Variants in RCBTB1 observed in about 807,000 individuals in gnomAD.
The protein encoded by RCBTB1 is RCC1 and BTB domain containing protein 1.
RCBTB1 carries 46 observed loss-of-function variants against 62.4 expected under a neutral mutation model. The ratio of observed to expected loss-of-function variants is 0.74; its 90% CI spans 0.58 to 0.94. RCBTB1 has a LOEUF of 0.94. Among genes scored for constraint, RCBTB1 ranks in the 40% least tolerant of loss-of-function variants. The probability of loss-of-function intolerance (pLI) is 0.00; values close to 1 mark genes in which losing one functional copy is unlikely to be tolerated. For missense variants in RCBTB1, 565 were observed against 654.9 expected, an observed-to-expected ratio of 0.86 and a Z score of 1.50; for synonymous variants, 222 against 245.8, an observed-to-expected ratio of 0.90 and a Z score of 0.91.
chr13:49,538,165 C>T (rs1960073087), intron 12 of RCBTB1: 1 of 152,130 alleles, frequency 6.6e-6, no homozygotes, highest in Non-Finnish European at 1.5e-5. Flanking sequence ...AGTAAGAGGG[C>T]TTTCTTTTTA....
intron 2 of RCBTB1, among the ~76,000 whole-genome samples, chr13:49,574,855 T>C (rs1449533942): frequency 6.6e-6 from 1 of 152,112 alleles, no homozygotes; most frequent in Admixed American, 6.6e-5. Flanking sequence ...CATGAACAGA[T>C]GAATGGATAA....
intron 12 of RCBTB1, among the ~76,000 whole-genome samples, chr13:49,534,851 T>C (rs868645954): frequency 3.3e-5 from 5 of 151,940 alleles, no homozygotes; most frequent in Non-Finnish European, 5.9e-5. Flanking sequence ...CTGGCCAACA[T>C]AGGGAAACCC....
At chr13:49,546,874 C>A (rs772662592) in intron 9 of RCBTB1, 5 of 846,538 alleles carry the variant, frequency 5.9e-6, no homozygotes, top group Non-Finnish European at 7.1e-6. Context: ...AGGCCACGGA[C>A]CAGTACAGGC....
At chr13:49,573,787 CTTTT>C (rs563725059) in intron 2 of RCBTB1, among the ~76,000 whole-genome samples, 1 of 125,668 alleles carries the variant, frequency 8.0e-6, no homozygotes, top group African/African-American at 2.9e-5. Context: ...AAATTTCTCT[CTTTT>C]TTTTTTTTTT....
chr13:49,583,115 G>A (rs952244964), intron 1 of RCBTB1, among the ~76,000 whole-genome samples: 2 of 152,108 alleles, frequency 1.3e-5, no homozygotes, highest in African/African-American at 2.4e-5. Context: ...AGGCTGCAGT[G>A]AGCTATGATC....
chr13:49,543,881 C>T (rs1017539282), intron 10 of RCBTB1, among the ~76,000 whole-genome samples: 3 of 152,082 alleles, frequency 2.0e-5, no homozygotes, highest in African/African-American at 7.2e-5. Context: ...GAGACAGTGT[C>T]TCGCTATATT....
At chr13:49,585,194 C>A (rs532076176) in intron 1 of RCBTB1, among the ~76,000 whole-genome samples, 2 of 152,324 alleles carry the variant, frequency 1.3e-5, no homozygotes, top group South Asian at 2.1e-4. Context: ...AACTTTCCCT[C>A]GCCTCTCCCC....
intron 8 of RCBTB1, chr13:49,549,984 C>T (rs1215864013): frequency 1.2e-6 from 1 of 846,628 alleles, no homozygotes; most frequent in African/African-American, 1.9e-5. Context: ...GGCTTAAATA[C>T]CATTTCTTTT....
rs74813761 is a variant in RCBTB1 at position 49,563,930 on chromosome 13, G to A, written c.277+2688C>T. Among the ~76,000 whole-genome samples, 96 of 152,250 alleles carry A rather than the reference G, an allele frequency of 6.3e-4. 2 individuals carry two copies. The East Asian group carries it at 0.014, about 23-fold the overall frequency. On this transcript the variant is annotated intron_variant, in intron 4 of 12. Transcript: ENST00000378302. ...TCCTCAGTCTAGACAAAGAAAGGCC[G>A]GGATGCAAATCATCTCCCAAATGCC...
chr13:49,542,999 GTAA>G (rs1960504899), intron 10 of RCBTB1, among the ~76,000 whole-genome samples: 1 of 152,224 alleles, frequency 6.6e-6, no homozygotes, highest in African/African-American at 2.4e-5. Flanking sequence ...GCTCAAGCCT[GTAA>G]TTCCAGCACT....
chr13:49,551,321 G>A lies in RCBTB1; in HGVS notation c.854+5C>T, dbSNP rs1234017296. 1.2e-6 allele frequency: 2 copies of A among 1,613,754 alleles called. No homozygotes were observed. On this transcript the variant is annotated splice_donor_5th_base_variant and intron_variant, in intron 8 of 12. Coordinates refer to ENST00000378302, the MANE Select transcript of RCBTB1 (RefSeq NM_018191.4). ...CAGTCCCAAGACGTGGCACAGCCAA[G>A]TTACCTTTCTTTCTCCACCATGATG...
intron 9 of RCBTB1, chr13:49,546,512 T>C (rs553981125): frequency 1.8e-5 from 3 of 166,116 alleles, no homozygotes; most frequent in African/African-American, 7.2e-5. Flanking sequence ...GCACTTAATT[T>C]TTATTATTGT....
At chr13:49,576,263 C>T (rs768049934) in intron 2 of RCBTB1, among the ~76,000 whole-genome samples, 4 of 134,896 alleles carry the variant, frequency 3.0e-5, no homozygotes, top group Non-Finnish European at 6.1e-5. Context: ...GATTGTACAA[C>T]AATGTGAATG....
chr13:49,541,756 T>C lies in RCBTB1; in HGVS notation c.1244A>G (p.Gln415Arg), dbSNP rs1960382903. ...EDMKEVIEID[Q>R]FSYPVYRAFL... ...GGCACGATACACTGGGTAAGAAAAC[T>C]GATCGATTTCTATCACTTCCTTCAT... The change falls in exon 11 of 13, where the codon CAG becomes CGG. Residue 415 changes from glutamine to arginine, a missense_variant. Gln to Arg is a conservative substitution (Grantham distance 43, BLOSUM62 1). Coordinates refer to ENST00000378302, the MANE Select transcript of RCBTB1 (RefSeq NM_018191.4). The C allele has an allele frequency of 1.2e-6, 2 of 1,614,084 alleles. No individual in the cohort carries two copies. The highest frequency in any genetic ancestry group is 2.7e-5 in the African/African-American group (2 of 75,032).
Position 49,559,974 on chromosome 13 carries a change from CTT to C in RCBTB1, c.386_387del (p.Gln129ArgfsTer17). 6.2e-7 allele frequency: 1 copy of C among 1,614,200 alleles called. No homozygotes were observed. Among genetic ancestry groups the C allele is most frequent in the East Asian group, 2.2e-5 (1 of 44,884 alleles). On this transcript the variant is annotated frameshift_variant, in exon 5 of 13. Coordinates refer to ENST00000378302, the MANE Select transcript of RCBTB1 (RefSeq NM_018191.4). LOFTEE classifies it high-confidence loss of function. ...VQVCTNLLIK[Q>X]VVEVACGSHH... ...TGTGAGCCACAAGCTACTTCCACCACTTGCTTGATCAAGAGATTGGTACAGAC... is the reference window on the plus strand; with the variant it reads ...TGTGAGCCACAAGCTACTTCCACCACGCTTGATCAAGAGATTGGTACAGAC...
chr13:49,542,294 A>G (rs1280329416), intron 10 of RCBTB1, among the ~76,000 whole-genome samples: 1 of 152,126 alleles, frequency 6.6e-6, no homozygotes, highest in East Asian at 1.9e-4. Context: ...TTAGCACCCA[A>G]AAAACATTCC....
intron 5 of RCBTB1, 129 bp downstream of exon 5, chr13:49,559,789 T>G: frequency 1.3e-6 from 1 of 763,574 alleles, no homozygotes; most frequent in South Asian, 2.1e-5. Context: ...GACAGTTGTA[T>G]GACAAGGTGA....
In RCBTB1 at chr13:49,538,847, G is replaced by A. The variant is rs190918604; in HGVS notation, c.1455+2029C>T. 7.4e-5 allele frequency among the ~76,000 whole-genome samples: 11 copies of A among 149,552 alleles called. No homozygotes were observed. The East Asian group carries it at 9.8e-4, about 13-fold the overall frequency. On this transcript the variant is annotated intron_variant, in intron 12 of 12. Transcript: ENST00000378302. ...TCTTTCTATTCTCTAATTTTTCTACGTTGAATCTGTAATATTTGTAGGATT... is the reference window on the plus strand; with the variant it reads ...TCTTTCTATTCTCTAATTTTTCTACATTGAATCTGTAATATTTGTAGGATT...
In RCBTB1 at chr13:49,566,269, AT is replaced by A. The variant is rs1763947428; in HGVS notation, c.277+348del. On this transcript the variant is annotated intron_variant, in intron 4 of 12. Transcript: ENST00000378302. ...CAAGAATGATCAATAAAAAAATAAA[AT>A]AAAATAAATAAATAAATAAATAAAT... 5.6e-5 allele frequency among the ~76,000 whole-genome samples: 5 copies of A among 89,418 alleles called. No individual in the cohort carries two copies. In the South Asian group the frequency reaches 1.9e-3, roughly 34 times the overall value. The allele number at this position is 89,418 out of a possible 152,430, so 58.7% of individuals were successfully genotyped here.
Sources: allele counts gnomAD v4.1 joint callset (sites outside exome capture counted in the v4.1 genomes callset), GRCh38; gene constraint gnomAD v4.1.1; transcripts MANE v1.5; gene names NCBI Gene and HGNC (gene_info 2026-07-23, HGNC 2026-07-21).